Variants in DOT1L observed in about 807,000 individuals in gnomAD.
The protein encoded by DOT1L is histone-lysine N-methyltransferase, H3 lysine-79 specific.
Under a neutral mutation model 153.3 loss-of-function variants are expected in DOT1L, and 33 were observed. The observed-to-expected ratio is 0.22, with a 90% CI of 0.16 to 0.29. The LOEUF (loss-of-function observed/expected upper bound fraction) is 0.29, where lower values mean the gene tolerates loss of function less well. DOT1L is among the 10% of genes least tolerant of loss of function. The pLI, the probability that DOT1L is intolerant of heterozygous loss-of-function variation, is 1.00. For synonymous variants in DOT1L, 1,135 were observed against 965.1 expected (o/e 1.18, Z -3.26); for missense variants, 1,847 against 2,119.9 (o/e 0.87, Z 2.53).
Position 2,220,068 on chromosome 19 carries a change from G to A in DOT1L, c.2692-40G>A, listed in dbSNP as rs368353805. 15 of 1,554,440 alleles carry A rather than the reference G, an allele frequency of 9.6e-6. No homozygotes were observed. In the African/African-American group the frequency reaches 1.8e-4, roughly 18 times the overall value. On this transcript the variant is annotated intron_variant, in intron 22 of 27. Coordinates refer to ENST00000398665, the MANE Select transcript of DOT1L (RefSeq NM_032482.3). The surrounding 1 kb of genome is among the most constrained non-coding windows in gnomAD (Gnocchi z 4.5). ...CCAGCTGGGTTCTGGGTCTCCTGGGGCACCTGCTGCCCCTGACACACAGGG... is the reference window on the plus strand; with the variant it reads ...CCAGCTGGGTTCTGGGTCTCCTGGGACACCTGCTGCCCCTGACACACAGGG...
intron 22 of DOT1L, among the ~76,000 whole-genome samples, chr19:2,218,506 G>A (rs1337727136): frequency 2.6e-5 from 4 of 151,842 alleles, no homozygotes; most frequent in South Asian, 2.1e-4. Context: ...CCATTCTCCT[G>A]CCTCAGCCTC....
At chr19:2,196,605 A>T (rs2023030284) in intron 7 of DOT1L, among the ~76,000 whole-genome samples, 3 of 152,184 alleles carry the variant, frequency 2.0e-5, no homozygotes, top group Admixed American at 2.0e-4. Flanking sequence ...TGCTGGGATG[A>T]CAGGTGTGAG....
At chr19:2,187,479 C>T (rs538289951) in intron 3 of DOT1L, among the ~76,000 whole-genome samples, 39 of 152,322 alleles carry the variant, frequency 2.6e-4, no homozygotes, top group Admixed American at 7.2e-4. Flanking sequence ...CCTGAGGGAC[C>T]GAGCCATTAG....
Position 2,212,607 on chromosome 19 carries a change from G to A in DOT1L, c.1557+765G>A, listed in dbSNP as rs35090801. The A allele has an allele frequency of 9.2e-3, 1,402 of 152,362 alleles. 14 individuals are homozygous for A. The highest frequency in any genetic ancestry group is 0.035 in the East Asian group (182 of 5,186). The allele number at this position is 152,362 out of a possible 1,614,324, so 9.4% of individuals were successfully genotyped here. A position where few individuals can be genotyped will look rare whatever the true frequency, so the allele number is the denominator to read the frequency against. ...ACAAAGCCAGCTCTTTTGCAGGCTG[G>A]TAAACCTTCATCTTAGGCTAAACTT... On this transcript the variant is annotated intron_variant, in intron 16 of 27. Coordinates refer to ENST00000398665, the MANE Select transcript of DOT1L (RefSeq NM_032482.3).
Position 2,222,165 on chromosome 19 carries a change from C to A in DOT1L, c.2996C>A (p.Pro999His). 1.2e-6 allele frequency: 2 copies of A among 1,613,114 alleles called. No homozygotes were observed. The highest frequency in any genetic ancestry group is 1.7e-6 in the Non-Finnish European group (2 of 1,179,862). ...CTGGCACAGCCCCGGAACTCGCTTCCTGCCTCTCCCGCCCACCAGCTCTCC... is the reference window on the plus strand; with the variant it reads ...CTGGCACAGCCCCGGAACTCGCTTCATGCCTCTCCCGCCCACCAGCTCTCC... Reference protein sequence around the residue: ...LLLAQPRNSLPASPAHQLSSS... With the variant: ...LLLAQPRNSLHASPAHQLSSS... Residue 999 changes from proline to histidine, a missense_variant, in exon 24 of 28, where the codon CCT (proline) becomes CAT (histidine). Transcript: ENST00000398665. This position sits in a 1 kb window ranked among gnomAD's most constrained non-coding sequence, Gnocchi z 6.5.
rs765605924 is a variant in DOT1L, at chr19:2,222,171, C to T, written c.3002C>T (p.Ser1001Phe). The T allele has an allele frequency of 4.3e-6, 7 of 1,613,014 alleles. No individual in the cohort carries two copies. Among genetic ancestry groups the T allele is most frequent in the South Asian group, 2.2e-5 (2 of 91,070 alleles). Reference protein sequence around the residue: ...LAQPRNSLPASPAHQLSSSPR... With the variant: ...LAQPRNSLPAFPAHQLSSSPR... ...CAGCCCCGGAACTCGCTTCCTGCCT[C>T]TCCCGCCCACCAGCTCTCCTCCAGT... The change falls in exon 24 of 28, where the codon TCT (serine) becomes TTT (phenylalanine). Residue 1001 changes from serine to phenylalanine, a missense_variant. Around this residue, in one of 8 missense-constraint regions of DOT1L, gnomAD observed 934 missense variants for 825.3 expected, o/e 1.13. Transcript: ENST00000398665. This position sits in a 1 kb window ranked among gnomAD's most constrained non-coding sequence, Gnocchi z 6.5.
chr19:2,194,442 A>T, intron 6 of DOT1L, 73 bp from the exon 7 acceptor site: 1 of 1,574,574 alleles, frequency 6.4e-7, no homozygotes, highest in South Asian at 1.1e-5. Context: ...AAGTGCCGGG[A>T]TTACAGGCGT....
At chr19:2,171,986 G>A (rs539438223) in intron 1 of DOT1L, among the ~76,000 whole-genome samples, 1 of 152,130 alleles carries the variant, frequency 6.6e-6, no homozygotes, top group East Asian at 1.9e-4. Context: ...CTCCAGGGAC[G>A]TGAAGATAAC....
Position 2,206,726 on chromosome 19 carries a change from C to T in DOT1L, c.788-3C>T, listed in dbSNP as rs1216248117. 3.1e-6 allele frequency: 5 copies of T among 1,613,834 alleles called. No individual in the cohort carries two copies. Among genetic ancestry groups the T allele is most frequent in the South Asian group, 2.2e-5 (2 of 91,060 alleles). The stretch of plus-strand genomic sequence containing the variant: ...GTGGCAGTAAGCAGTGTCTGTGTTT[C>T]AGGTGGCAGAATCGTGTCCTCGAAA... On this transcript the variant is annotated splice_region_variant and splice_polypyrimidine_tract_variant and intron_variant, in intron 9 of 27. Transcript: ENST00000398665.
rs2022869662 is a variant in DOT1L at position 2,193,136 on chromosome 19, G to A, written c.494-553G>A. Among the ~76,000 whole-genome samples, 5 of 152,200 alleles carry A rather than the reference G, an allele frequency of 3.3e-5. No individual in the cohort carries two copies. The highest frequency in any genetic ancestry group is 3.3e-4 in the Admixed American group (5 of 15,278). ...TGTTCCCTCCTTCTCCCTTAGAGCC[G>A]GGTGTTGCTGGGTTGTGTGCTGATG... On this transcript the variant is annotated intron_variant, in intron 5 of 27. Coordinates refer to ENST00000398665, the MANE Select transcript of DOT1L (RefSeq NM_032482.3). The surrounding 1 kb of genome is among the most constrained non-coding windows in gnomAD (Gnocchi z 5.9).
At chr19:2,189,347 A>G (rs890032452) in intron 3 of DOT1L, among the ~76,000 whole-genome samples, 2 of 152,176 alleles carry the variant, frequency 1.3e-5, no homozygotes, top group Non-Finnish European at 2.9e-5. Context: ...CAGCCAGGGC[A>G]AGGAAGACCC....
intron 1 of DOT1L, among the ~76,000 whole-genome samples, chr19:2,179,075 G>C (rs997841216): frequency 3.3e-5 from 5 of 151,318 alleles, no homozygotes; most frequent in African/African-American, 1.2e-4. Context: ...AGGAAAGCTG[G>C]GGGGGGGTCT....
chr19:2,229,478 A>G lies in DOT1L; in HGVS notation c.4607-307A>G, dbSNP rs565349857. On this transcript the variant is annotated intron_variant, in intron 27 of 27. Transcript: ENST00000398665. The stretch of plus-strand genomic sequence containing the variant: ...AATGCGGGCACCTGCGGGCTGGACA[A>G]GCTATGCTGGGTCTCTTAGGAGATG... 120 of 985,454 alleles carry G rather than the reference A, an allele frequency of 1.2e-4. No homozygotes were observed. The African/African-American group carries it at 1.9e-3, about 16-fold the overall frequency. 61.0% of individuals were successfully genotyped at this position (985,454 alleles called of 1,614,324 possible).
chr19:2,200,258 C>T (rs2023196341), intron 8 of DOT1L, among the ~76,000 whole-genome samples: 2 of 151,838 alleles, frequency 1.3e-5, no homozygotes, highest in South Asian at 4.2e-4. Flanking sequence ...CCCGCTCAGG[C>T]TTGGTCTGGG....
chr19:2,228,492 G>A (rs969618712), intron 27 of DOT1L: 14 of 1,191,802 alleles, frequency 1.2e-5, no homozygotes, highest in Non-Finnish European at 1.5e-5. Flanking sequence ...CCTGAGGAGG[G>A]AAGAGGGAGA....
intron 8 of DOT1L, among the ~76,000 whole-genome samples, chr19:2,202,402 C>T (rs1041883070): frequency 6.6e-6 from 1 of 152,254 alleles, no homozygotes; most frequent in South Asian, 2.1e-4. Flanking sequence ...CTGCTCTTCC[C>T]ACCTTGTGTG....
Position 2,220,336 on chromosome 19 carries a change from T to A in DOT1L, c.2806+114T>A. On this transcript the variant is annotated intron_variant, in intron 23 of 27. Coordinates refer to ENST00000398665, the MANE Select transcript of DOT1L (RefSeq NM_032482.3). The surrounding 1 kb of genome is among the most constrained non-coding windows in gnomAD (Gnocchi z 4.5). ...GGCTTCCTGGGGTGATCATGGGGGC[T>A]GCTGCCCCAAACCGCCACGCCTCAT... The A allele has an allele frequency of 2.8e-6, 3 of 1,062,912 alleles. No homozygotes were observed. The highest frequency in any genetic ancestry group is 4.2e-6 in the Non-Finnish European group (3 of 713,356). The allele number at this position is 1,062,912 out of a possible 1,614,324, so 65.8% of individuals were successfully genotyped here. A position where few individuals can be genotyped will look rare whatever the true frequency, so the allele number is the denominator to read the frequency against.
chr19:2,193,348 G>C lies in DOT1L; in HGVS notation c.494-341G>C, dbSNP rs957900250. On this transcript the variant is annotated intron_variant, in intron 5 of 27. Transcript: ENST00000398665. This position sits in a 1 kb window ranked among gnomAD's most constrained non-coding sequence, Gnocchi z 5.9. ...TGGGGATAATTTGAGGTGGACGGCA[G>C]CCTTTCCAGACCTGCAAAGTCTTGG... Among the ~76,000 whole-genome samples the C allele has an allele frequency of 1.3e-5, 2 of 152,218 alleles. No individual in the cohort carries two copies. The highest frequency in any genetic ancestry group is 2.9e-5 in the Non-Finnish European group (2 of 68,032).
Position 2,217,196 on chromosome 19 carries a change from G to A in DOT1L, c.2544+106G>A. ...GTCCTAGTTGACCTTGGGGCACGGT[G>A]AGGTACTGGGGCTGACCTGGAGTAG... On this transcript the variant is annotated intron_variant, in intron 21 of 27. Transcript: ENST00000398665. The surrounding 1 kb of genome is among the most constrained non-coding windows in gnomAD (Gnocchi z 7.3). 2 of 1,415,838 alleles carry A rather than the reference G, an allele frequency of 1.4e-6. No homozygotes were observed. The highest frequency in any genetic ancestry group is 2.5e-5 in the East Asian group (1 of 40,156). The allele number at this position is 1,415,838 out of a possible 1,614,324, so 87.7% of individuals were successfully genotyped here.
Sources: gnomAD v4.1 joint callset for allele counts (sites outside exome capture counted in the v4.1 genomes callset) on GRCh38, gnomAD v4.1.1 for gene constraint, gnomAD v4.1.1 regional missense constraint, Gnocchi (gnomAD v3.1) non-coding constraint, MANE v1.5 for transcripts, NCBI Gene and HGNC (gene_info 2026-07-23, HGNC 2026-07-21) for gene names.